LEF1: variants seen among roughly 807,000 people sequenced by gnomAD.
LEF1 encodes lymphoid enhancer-binding factor 1.
LEF1 carries 14 observed loss-of-function variants against 51.2 expected under a neutral mutation model. That is an observed-to-expected ratio of 0.27 (90% CI 0.18 to 0.43). LEF1 has a LOEUF of 0.43. LEF1 is among the 20% of genes least tolerant of loss of function. The probability of loss-of-function intolerance (pLI) is 1.00; values close to 1 mark genes in which losing one functional copy is unlikely to be tolerated. For missense variants in LEF1, 386 were observed against 512.0 expected (o/e 0.75, Z 2.37); for synonymous variants, 185 against 183.2 (o/e 1.01, Z -0.08).
intron 3 of LEF1, among the ~76,000 whole-genome samples, chr4:108,117,313 T>G (rs1741902125): frequency 6.6e-6 from 1 of 152,226 alleles, no homozygotes; most frequent in South Asian, 2.1e-4. Flanking sequence ...TATTTTACCG[T>G]GATTAAATAT....
chr4:108,066,937 G>T (rs1738119781), intron 9 of LEF1, among the ~76,000 whole-genome samples: 1 of 152,140 alleles, frequency 6.6e-6, no homozygotes, highest in Non-Finnish European at 1.5e-5. Flanking sequence ...TCATGTAATA[G>T]GGTATTTTAA....
At position 108,167,457 on chromosome 4, in the gene LEF1, CTCAGCCGG is replaced by C; in HGVS notation, c.213+90_213+97del. 8.0e-7 allele frequency: 1 copy of C among 1,246,982 alleles called. No homozygotes were observed. Among genetic ancestry groups the C allele is most frequent in the East Asian group, 2.3e-5 (1 of 43,066 alleles). The allele number at this position is 1,246,982 out of a possible 1,614,324, so 77.2% of individuals were successfully genotyped here. On this transcript the variant is annotated intron_variant, in intron 1 of 11. Coordinates refer to ENST00000265165, the MANE Select transcript of LEF1 (RefSeq NM_016269.5). This position sits in a 1 kb window ranked among gnomAD's most constrained non-coding sequence, Gnocchi z 5.7. Reference sequence around the variant, plus strand: ...ACAAACGAGGGATCTACTCGGGACCCTCAGCCGGGCGGCCGGGCGCCTTCGTTCCCTTC... The same window carrying C: ...ACAAACGAGGGATCTACTCGGGACCCGCGGCCGGGCGCCTTCGTTCCCTTC...
intron 9 of LEF1, among the ~76,000 whole-genome samples, chr4:108,068,417 A>G (rs549767956): frequency 6.6e-6 from 1 of 152,346 alleles, no homozygotes; most frequent in Admixed American, 6.5e-5. Context: ...AAGGCCTTGC[A>G]TAAATTACCT....
intron 3 of LEF1, among the ~76,000 whole-genome samples, chr4:108,136,181 C>G (rs1168340407): frequency 6.6e-6 from 1 of 152,194 alleles, no homozygotes; most frequent in Non-Finnish European, 1.5e-5. Flanking sequence ...AAGCATAGTT[C>G]ATTTTTTCTA....
intron 11 of LEF1, among the ~76,000 whole-genome samples, chr4:108,049,983 A>G (rs1180194676): frequency 6.6e-6 from 1 of 152,252 alleles, no homozygotes; most frequent in African/African-American, 2.4e-5. Context: ...TGCACAGCAC[A>G]GAGCAAGCCC....
chr4:108,070,593 A>T, intron 9 of LEF1, 70 bp downstream of exon 9: 1 of 1,041,936 alleles, frequency 9.6e-7, no homozygotes, highest in Non-Finnish European at 1.5e-6. Flanking sequence ...CCTAAAACAC[A>T]TTTCCTTCTT....
At chr4:108,130,072 A>G (rs896946191) in intron 3 of LEF1, among the ~76,000 whole-genome samples, 6 of 152,190 alleles carry the variant, frequency 3.9e-5, no homozygotes, top group African/African-American at 1.4e-4. Flanking sequence ...ATCAATTCCA[A>G]TAATCACCTA....
Position 108,167,852 on chromosome 4 carries a change from A to T in LEF1, c.-85T>A, listed in dbSNP as rs1745515695. 2.5e-6 allele frequency: 3 copies of T among 1,214,794 alleles called. No individual in the cohort carries two copies. Among genetic ancestry groups the T allele is most frequent in the South Asian group, 2.7e-5 (2 of 74,762 alleles). 75.3% of individuals were successfully genotyped at this position (1,214,794 alleles called of 1,614,324 possible). A position where few individuals can be genotyped will look rare whatever the true frequency, so the allele number is the denominator to read the frequency against. ...CAGAGGGGTAACTCAAGGGTGGGGG[A>T]GGAAAGGAGAGTTGGAAGGGTTCGT... On this transcript the variant is annotated 5_prime_UTR_variant, in exon 1 of 12. Coordinates refer to ENST00000265165, the MANE Select transcript of LEF1 (RefSeq NM_016269.5). The surrounding 1 kb of genome is among the most constrained non-coding windows in gnomAD (Gnocchi z 5.7).
intron 3 of LEF1, among the ~76,000 whole-genome samples, chr4:108,135,897 C>T (rs1370959233): frequency 6.6e-6 from 1 of 152,152 alleles, no homozygotes. Flanking sequence ...GCTTCATCCC[C>T]CTTTCCCCCA....
rs183406595 is a variant in LEF1, at chr4:108,164,104, A to G, written c.281-403T>C. On this transcript the variant is annotated intron_variant, in intron 2 of 11. Coordinates refer to ENST00000265165, the MANE Select transcript of LEF1 (RefSeq NM_016269.5). ...AAACACAGAGATTTATACACTTGAA[A>G]TTATGTTTTGCCTTGTAGACAAACT... 2.0e-4 allele frequency among the ~76,000 whole-genome samples: 31 copies of G among 152,280 alleles called. No homozygotes were observed. In the East Asian group the frequency reaches 5.4e-3, roughly 27 times the overall value.
At chr4:108,163,419 G>A (rs1745184342) in intron 3 of LEF1, 149 bp downstream of exon 3, 4 of 757,966 alleles carry the variant, frequency 5.3e-6, no homozygotes, top group Middle Eastern at 4.0e-4. Flanking sequence ...GTTTTAAGGT[G>A]GCCATTCCTC....
At chr4:108,109,422 A>G (rs920230162) in intron 3 of LEF1, among the ~76,000 whole-genome samples, 10 of 152,208 alleles carry the variant, frequency 6.6e-5, no homozygotes, top group Admixed American at 6.5e-4. Flanking sequence ...CTGGGTTTGA[A>G]TATCACTTCT....
At chr4:108,080,996 G>C (rs896508756) in intron 6 of LEF1, among the ~76,000 whole-genome samples, 1 of 142,878 alleles carries the variant, frequency 7.0e-6, no homozygotes, top group African/African-American at 2.6e-5. Flanking sequence ...GGCGCGGCAG[G>C]CCTCCCGAGC....
chr4:108,144,341 C>T (rs1287717760), intron 3 of LEF1, among the ~76,000 whole-genome samples: 1 of 152,158 alleles, frequency 6.6e-6, no homozygotes, highest in Non-Finnish European at 1.5e-5. Context: ...CAGGCACATG[C>T]TAAAGAAACA....
At chr4:108,123,225 C>A (rs1742285179) in intron 3 of LEF1, among the ~76,000 whole-genome samples, 2 of 152,114 alleles carry the variant, frequency 1.3e-5, no homozygotes, top group African/African-American at 4.8e-5. Context: ...CCTTCGGTCA[C>A]CCTTGATAAT....
At chr4:108,081,519 G>T (rs1739303345) in intron 6 of LEF1, 67 bp downstream of exon 6, 2 of 1,290,426 alleles carry the variant, frequency 1.5e-6, no homozygotes, top group Non-Finnish European at 2.2e-6. Flanking sequence ...GCAAGCAGAG[G>T]CGCACAGGAT....
chr4:108,121,355 T>G (rs542848408), intron 3 of LEF1, among the ~76,000 whole-genome samples: 1 of 152,322 alleles, frequency 6.6e-6, no homozygotes, highest in South Asian at 2.1e-4. Context: ...AAAAGAGTTT[T>G]GATCTCATGG....
chr4:108,089,291 G>A (rs1472991986), intron 3 of LEF1, 34 bp from the exon 4 acceptor site: 4 of 1,597,950 alleles, frequency 2.5e-6, no homozygotes, highest in African/African-American at 2.7e-5. Context: ...TAGTTAATAT[G>A]GATGCCCAGC....
chr4:108,145,114 G>A (rs956429749), intron 3 of LEF1, among the ~76,000 whole-genome samples: 3 of 152,108 alleles, frequency 2.0e-5, no homozygotes, highest in African/African-American at 7.2e-5. Context: ...ATACTACAAT[G>A]TCAATACATA....
Sources: gnomAD v4.1 joint callset for allele counts (sites outside exome capture counted in the v4.1 genomes callset) on GRCh38, gnomAD v4.1.1 for gene constraint, Gnocchi (gnomAD v3.1) non-coding constraint, MANE v1.5 for transcripts, NCBI Gene and HGNC (gene_info 2026-07-23, HGNC 2026-07-21) for gene names.